Variants in IL1R2 observed in about 807,000 individuals in gnomAD.
The protein encoded by IL1R2 is interleukin 1 receptor type 2.
In IL1R2, 46 loss-of-function variants were observed where a neutral mutation model predicts 39.5. That is an observed-to-expected ratio of 1.16 (90% CI 0.92 to 1.49). The LOEUF (loss-of-function observed/expected upper bound fraction) is 1.49, where lower values mean the gene tolerates loss of function less well. Among genes scored for constraint, IL1R2 ranks in the 40% most tolerant of loss-of-function variants. The pLI, the probability that IL1R2 is intolerant of heterozygous loss-of-function variation, is 0.00. For synonymous variants in IL1R2, 207 were observed against 189.6 expected (o/e 1.09, Z -0.75); for missense variants, 537 against 502.0 (o/e 1.07, Z -0.67).
intron 1 of IL1R2, among the ~76,000 whole-genome samples, chr2:101,999,384 A>C (rs1419138874): frequency 6.6e-6 from 1 of 152,262 alleles, no homozygotes; most frequent in East Asian, 1.9e-4. Context: ...TTTATCCAGC[A>C]GGTAGCCCAG....
At chr2:101,993,457 C>T (rs1675442012) in intron 1 of IL1R2, among the ~76,000 whole-genome samples, 1 of 152,066 alleles carries the variant, frequency 6.6e-6, no homozygotes, top group Admixed American at 6.5e-5. Flanking sequence ...GGAAGGTGGC[C>T]CAGATCAGAC....
chr2:102,024,232 G>A (rs1019652612), intron 6 of IL1R2, among the ~76,000 whole-genome samples: 1 of 152,174 alleles, frequency 6.6e-6, no homozygotes, highest in African/African-American at 2.4e-5. Flanking sequence ...GAGGGGCAGA[G>A]GAAGTCGGCT....
intron 4 of IL1R2, among the ~76,000 whole-genome samples, chr2:102,018,646 C>T (rs1465943157): frequency 2.6e-5 from 4 of 152,096 alleles, no homozygotes; most frequent in African/African-American, 7.2e-5. Flanking sequence ...ACATGCAACC[C>T]GATGAAGTAG....
intron 8 of IL1R2, among the ~76,000 whole-genome samples, chr2:102,026,494 TG>T (rs1677756095): frequency 6.6e-6 from 1 of 152,206 alleles, no homozygotes; most frequent in Non-Finnish European, 1.5e-5. Context: ...GGAAAATGGA[TG>T]AAATGGTTCT....
Position 102,024,531 on chromosome 2 carries a change from A to G in IL1R2, c.752-2A>G. On this transcript the variant is annotated splice_acceptor_variant, in intron 6 of 8. Coordinates refer to ENST00000332549, the MANE Select transcript of IL1R2 (RefSeq NM_004633.4). LOFTEE classifies it high-confidence loss of function. Reference sequence around the variant, plus strand: ...TGACGTGCTGTGCCTTGCCATCCACAGGGTCAAGACTGACAATCCCGTGTA... The same window carrying G: ...TGACGTGCTGTGCCTTGCCATCCACGGGGTCAAGACTGACAATCCCGTGTA... 1.2e-6 allele frequency: 2 copies of G among 1,613,104 alleles called. No homozygotes were observed. Among genetic ancestry groups the G allele is most frequent in the Non-Finnish European group, 1.7e-6 (2 of 1,179,130 alleles).
chr2:102,009,377 G>A (rs993686702), intron 2 of IL1R2, among the ~76,000 whole-genome samples, 185 bp from the exon 3 acceptor site: 2 of 152,182 alleles, frequency 1.3e-5, no homozygotes, highest in Non-Finnish European at 1.5e-5. Flanking sequence ...GTATAATAAC[G>A]GGGTAGGGAG....
rs1371406005 is a variant in IL1R2, at chr2:102,026,344, T to A, written c.1030+91T>A. On this transcript the variant is annotated intron_variant, in intron 8 of 8. Transcript: ENST00000332549. ...ACAAATCTACTTGTTCTCCAAATGA[T>A]TCCATAGAAATTCCCTTGCATTGTC... The A allele has an allele frequency of 9.6e-6, 10 of 1,038,714 alleles. No individual in the cohort carries two copies. In the East Asian group the frequency reaches 2.4e-4, roughly 25 times the overall value. The allele number at this position is 1,038,714 out of a possible 1,614,324, so 64.3% of individuals were successfully genotyped here.
intron 7 of IL1R2, among the ~76,000 whole-genome samples, chr2:102,025,734 T>A (rs1005926500): frequency 2.0e-5 from 3 of 152,154 alleles, no homozygotes; most frequent in African/African-American, 7.2e-5. Context: ...TGCCCTTCAA[T>A]ATACAAGTGA....
intron 1 of IL1R2, among the ~76,000 whole-genome samples, chr2:102,001,794 T>G (rs890474324): frequency 6.6e-6 from 1 of 152,236 alleles, no homozygotes; most frequent in African/African-American, 2.4e-5. Flanking sequence ...TTAATTTTGA[T>G]GTAAATATTT....
intron 4 of IL1R2, among the ~76,000 whole-genome samples, chr2:102,017,249 T>A (rs1404412011): frequency 6.6e-6 from 1 of 151,650 alleles, no homozygotes; most frequent in East Asian, 1.9e-4. Context: ...AATAAAAAAT[T>A]AGCTGGGCGT....
At chr2:102,015,040 A>G (rs1466525708) in intron 3 of IL1R2, among the ~76,000 whole-genome samples, 1 of 152,024 alleles carries the variant, frequency 6.6e-6, no homozygotes. Flanking sequence ...AAAATCTTTT[A>G]TGGGTCTTAC....
At chr2:102,001,367 A>G (rs752117840) in intron 1 of IL1R2, among the ~76,000 whole-genome samples, 2 of 152,162 alleles carry the variant, frequency 1.3e-5, no homozygotes, top group African/African-American at 2.4e-5. Context: ...GATTCAGCCC[A>G]ATGTGGCCTA....
At chr2:102,022,876 T>C (rs28385685) in intron 6 of IL1R2, among the ~76,000 whole-genome samples, 2,568 of 152,322 alleles carry the variant, frequency 0.017, 26 homozygotes, top group Admixed American at 0.029. Flanking sequence ...TGGGGCGGAA[T>C]TGATGTTTAT....
chr2:102,009,610 T>C lies in IL1R2; in HGVS notation c.116T>C (p.Phe39Ser). ...RFRGRHYKRE[F>S]RLEGEPVALR... The stretch of plus-strand genomic sequence containing the variant: ...CGTGGGAGGCATTACAAGCGGGAGT[T>C]CAGGCTGGAAGGGGAGCCTGTAGCC... Residue 39 changes from phenylalanine (F) to serine (S), a missense_variant, in exon 3 of 9, where the codon TTC (phenylalanine) becomes TCC (serine). Physicochemically the swap from Phe to Ser is radical, Grantham distance 155 (BLOSUM62 -2). Coordinates refer to ENST00000332549, the MANE Select transcript of IL1R2 (RefSeq NM_004633.4). 6.2e-7 allele frequency: 1 copy of C among 1,614,102 alleles called. No individual in the cohort carries two copies. Among genetic ancestry groups the C allele is most frequent in the Admixed American group, 1.7e-5 (1 of 60,014 alleles).
chr2:102,022,157 C>T (rs745859334), intron 5 of IL1R2, 30 bp from the exon 6 acceptor site: 13 of 1,578,930 alleles, frequency 8.2e-6, no homozygotes, highest in Middle Eastern at 1.7e-4. Flanking sequence ...GCTTTCCTAA[C>T]GGAATCTCTT....
intron 3 of IL1R2, among the ~76,000 whole-genome samples, chr2:102,015,624 T>C (rs998110014): frequency 1.5e-4 from 23 of 152,206 alleles, no homozygotes; most frequent in African/African-American, 5.1e-4. Flanking sequence ...TAATAAAGCG[T>C]TGAATATCTC....
intron 1 of IL1R2, among the ~76,000 whole-genome samples, chr2:101,993,229 GT>G (rs924437275): frequency 6.6e-6 from 1 of 152,156 alleles, no homozygotes; most frequent in Non-Finnish European, 1.5e-5. Flanking sequence ...GTAGAGTGTG[GT>G]TAGGGCTGCG....
At chr2:102,009,090 G>A (rs1307524591) in intron 2 of IL1R2, among the ~76,000 whole-genome samples, 2 of 151,930 alleles carry the variant, frequency 1.3e-5, no homozygotes, top group African/African-American at 2.4e-5. Context: ...AGAATGGTGC[G>A]AATGTGCTTG....
At chr2:102,024,766 C>G in intron 7 of IL1R2, 98 bp downstream of exon 7, 1 of 1,401,898 alleles carries the variant, frequency 7.1e-7, no homozygotes, top group Non-Finnish European at 9.5e-7. Context: ...TTAAAAGTTA[C>G]TTTTTTTGAT....
Sources: gnomAD v4.1 joint callset for allele counts (sites outside exome capture counted in the v4.1 genomes callset) on GRCh38, gnomAD v4.1.1 for gene constraint, MANE v1.5 for transcripts, NCBI Gene and HGNC (gene_info 2026-07-23, HGNC 2026-07-21) for gene names.